RASSF8: variants seen among roughly 807,000 people sequenced by gnomAD.
RASSF8 encodes ras association domain-containing protein 8.
In RASSF8, 22 loss-of-function variants were observed where a neutral mutation model predicts 48.5. The observed-to-expected ratio is 0.45, with a 90% CI of 0.32 to 0.65. RASSF8 has a LOEUF of 0.65. Among genes scored for constraint, RASSF8 ranks in the 30% least tolerant of loss-of-function variants. RASSF8 has a pLI of 0.03. For missense variants in RASSF8, 418 were observed against 489.2 expected, an observed-to-expected ratio of 0.85 and a Z score of 1.37; for synonymous variants, 127 against 171.5, an observed-to-expected ratio of 0.74 and a Z score of 2.03.
At chr12:25,967,212 C>A (rs150924325) in intron 1 of RASSF8, among the ~76,000 whole-genome samples, 1 of 152,334 alleles carries the variant, frequency 6.6e-6, no homozygotes, top group Non-Finnish European at 1.5e-5. Flanking sequence ...CACGTTTAAT[C>A]ACATTTCTAG....
chr12:26,073,666 G>A (rs1944038454), downstream of RASSF8, among the ~76,000 whole-genome samples: 1 of 151,796 alleles, frequency 6.6e-6, no homozygotes, highest in South Asian at 2.1e-4. Context: ...TTGAACCCGG[G>A]AGGCGGAGGT....
chr12:26,033,322 A>G, intron 2 of RASSF8, among the ~76,000 whole-genome samples: 1 of 152,150 alleles, frequency 6.6e-6, no homozygotes, highest in East Asian at 1.9e-4. Flanking sequence ...AAAAATTGTG[A>G]TCTTTCAGGT....
chr12:26,005,119 GT>G (rs1942356723), intron 2 of RASSF8, among the ~76,000 whole-genome samples: 1 of 152,000 alleles, frequency 6.6e-6, no homozygotes. Context: ...AAAGAAATGT[GT>G]ACATATAACG....
At chr12:25,963,902 C>T (rs1011842066) in intron 1 of RASSF8, among the ~76,000 whole-genome samples, 12 of 152,158 alleles carry the variant, frequency 7.9e-5, no homozygotes, top group Non-Finnish European at 1.5e-4. Flanking sequence ...TCCTTTTGTT[C>T]CTACATTTCC....
At chr12:26,025,729 C>T (rs1400502711) in intron 2 of RASSF8, among the ~76,000 whole-genome samples, 1 of 151,948 alleles carries the variant, frequency 6.6e-6, no homozygotes, top group Non-Finnish European at 1.5e-5. Context: ...AATTTAATTG[C>T]ATTTCTATAT....
At chr12:25,962,275 G>T (rs954380825) in intron 1 of RASSF8, among the ~76,000 whole-genome samples, 2 of 152,090 alleles carry the variant, frequency 1.3e-5, no homozygotes, top group Non-Finnish European at 2.9e-5. Flanking sequence ...CCTATTTTAG[G>T]ATCATCTCCT....
chr12:25,997,882 G>A (rs1942168655), intron 2 of RASSF8, among the ~76,000 whole-genome samples: 2 of 152,136 alleles, frequency 1.3e-5, no homozygotes, highest in Non-Finnish European at 2.9e-5. Context: ...GCATGTTTCA[G>A]TGCTTTGAAA....
In RASSF8 at chr12:26,071,440, G is replaced by A. The variant is rs1343943199; in HGVS notation, c.*2622G>A. On this transcript the variant is annotated 3_prime_UTR_variant, in exon 6 of 6. Coordinates refer to ENST00000689635, the MANE Select transcript of RASSF8 (RefSeq NM_001394098.1). ...AAATCATATTGCAACTTGTTTTATTGTGATTTTCTACAAGTATTAAATACA... is the reference window on the plus strand; with the variant it reads ...AAATCATATTGCAACTTGTTTTATTATGATTTTCTACAAGTATTAAATACA... 1 of 942,954 alleles carries A rather than the reference G, an allele frequency of 1.1e-6. No individual in the cohort carries two copies. Among genetic ancestry groups the A allele is most frequent in the Non-Finnish European group, 1.3e-6 (1 of 791,786 alleles). 58.4% of individuals were successfully genotyped at this position (942,954 alleles called of 1,614,324 possible).
At chr12:25,989,043 A>C (rs1051620351) in intron 1 of RASSF8, among the ~76,000 whole-genome samples, 1 of 152,192 alleles carries the variant, frequency 6.6e-6, no homozygotes, top group African/African-American at 2.4e-5. Flanking sequence ...CTGTGCCTCC[A>C]ACAGAGCCTT....
intron 1 of RASSF8, among the ~76,000 whole-genome samples, chr12:25,974,273 G>C (rs1273374742): frequency 6.6e-6 from 1 of 152,048 alleles, no homozygotes; most frequent in African/African-American, 2.4e-5. Context: ...AAGAGGGAGG[G>C]AGGTGGAAAG....
At chr12:25,975,923 A>C (rs145002937) in intron 1 of RASSF8, among the ~76,000 whole-genome samples, 230 of 152,270 alleles carry the variant, frequency 1.5e-3, no homozygotes, top group African/African-American at 5.5e-3. Flanking sequence ...TTTGGGAAGC[A>C]GCACAGTGTC....
chr12:26,012,881 G>T (rs1942563888), intron 2 of RASSF8, among the ~76,000 whole-genome samples: 1 of 151,920 alleles, frequency 6.6e-6, no homozygotes, highest in Admixed American at 6.6e-5. Flanking sequence ...TCACTTTGTT[G>T]CCCAGGCTGG....
At chr12:26,076,527 G>T (rs1158919468), downstream of RASSF8, among the ~76,000 whole-genome samples, 2 of 152,042 alleles carry the variant, frequency 1.3e-5, no homozygotes, top group Non-Finnish European at 2.9e-5. Context: ...TTGGTTTTCT[G>T]TCCTTGTGAT....
chr12:26,044,356 G>A (rs967682543), intron 2 of RASSF8, among the ~76,000 whole-genome samples: 2 of 152,308 alleles, frequency 1.3e-5, no homozygotes, highest in Admixed American at 1.3e-4. Context: ...CATAGTGGAA[G>A]TCAGATATAT....
chr12:26,017,772 C>T (rs539005795), intron 2 of RASSF8, among the ~76,000 whole-genome samples: 244 of 152,366 alleles, frequency 1.6e-3, no homozygotes, highest in African/African-American at 5.7e-3. Context: ...GCAAAAGCCG[C>T]TCCTCTTGCC....
intron 2 of RASSF8, among the ~76,000 whole-genome samples, chr12:26,045,722 G>C (rs952059329): frequency 1.3e-5 from 2 of 152,100 alleles, no homozygotes; most frequent in Non-Finnish European, 2.9e-5. Context: ...AGTCATCTTG[G>C]TTTCATGGAT....
chr12:25,988,560 T>TA (rs1448489885), intron 1 of RASSF8, among the ~76,000 whole-genome samples: 1 of 152,066 alleles, frequency 6.6e-6, no homozygotes, highest in Non-Finnish European at 1.5e-5. Flanking sequence ...CACAATTTAA[T>TA]AAAAAAAATT....
At chr12:26,038,928 G>A (rs938160794) in intron 2 of RASSF8, among the ~76,000 whole-genome samples, 1 of 152,178 alleles carries the variant, frequency 6.6e-6, no homozygotes, top group Non-Finnish European at 1.5e-5. Flanking sequence ...CTACATAAGT[G>A]TAGGACTTTT....
intron 2 of RASSF8, among the ~76,000 whole-genome samples, chr12:26,042,780 G>A (rs767137815): frequency 1.3e-5 from 2 of 152,038 alleles, no homozygotes; most frequent in Non-Finnish European, 2.9e-5. Context: ...TAGAACAATA[G>A]CATTTTTTCT....
Sources: gnomAD v4.1 joint callset for allele counts (sites outside exome capture counted in the v4.1 genomes callset) on GRCh38, gnomAD v4.1.1 for gene constraint, MANE v1.5 for transcripts, NCBI Gene and HGNC (gene_info 2026-07-23, HGNC 2026-07-21) for gene names.